MAP2: variants seen among roughly 807,000 people sequenced by gnomAD.
The protein encoded by MAP2 is microtubule associated protein 2.
MAP2 carries 14 observed loss-of-function variants against 137.6 expected under a neutral mutation model. The observed-to-expected ratio is 0.10, with a 90% confidence interval of 0.07 to 0.16. The LOEUF is 0.16. Ranked by LOEUF, MAP2 falls within the 10% of genes least tolerant of loss-of-function variation. The pLI, the probability that MAP2 is intolerant of heterozygous loss-of-function variation, is 1.00. For synonymous variants in MAP2, 786 were observed against 782.3 expected (o/e 1.00, Z -0.08); for missense variants, 2,088 against 2,191.5 (o/e 0.95, Z 0.94).
chr2:209,726,965 G>T (rs192886561), intron 14 of MAP2, among the ~76,000 whole-genome samples: 2 of 152,226 alleles, frequency 1.3e-5, no homozygotes, highest in Non-Finnish European at 2.9e-5. Context: ...AATAACAATT[G>T]AGCTGTTAGC....
In MAP2 at chr2:209,692,799, A is replaced by T; in HGVS notation, c.629A>T (p.Lys210Ile). ...QPETTKTYPD[K>I]KDMQGTEEEK... ...GAGACAACTAAAACTTACCCTGATA[A>T]AAAGGACATGCAAGGCACGGAAGAA... The change falls in exon 8 of 16, where the codon AAA (lysine) becomes ATA (isoleucine). Residue 210 changes from lysine to isoleucine, a missense_variant. Coordinates refer to ENST00000682079, the MANE Select transcript of MAP2 (RefSeq NM_001375505.1). 1.9e-6 allele frequency: 3 copies of T among 1,613,814 alleles called. No individual in the cohort carries two copies. Among genetic ancestry groups the T allele is most frequent in the Non-Finnish European group, 2.5e-6 (3 of 1,179,900 alleles).
chr2:209,704,714 A>G (rs2062856974), intron 11 of MAP2: 4 of 1,200,540 alleles, frequency 3.3e-6, no homozygotes, highest in Non-Finnish European at 4.5e-6. Flanking sequence ...ATGAAAGCAA[A>G]TACTTTACTC....
chr2:209,675,032 C>T (rs1217502074), intron 5 of MAP2, among the ~76,000 whole-genome samples: 2 of 151,840 alleles, frequency 1.3e-5, no homozygotes, highest in Non-Finnish European at 2.9e-5. Context: ...CAATCTTAGG[C>T]TCCTGTTTCC....
intron 12 of MAP2, 37 bp downstream of exon 12, chr2:209,705,764 T>C (rs748898672): frequency 1.3e-6 from 2 of 1,580,974 alleles, no homozygotes; most frequent in Non-Finnish European, 1.7e-6. Flanking sequence ...TTTTAAGCAC[T>C]TTTTAAATCC....
chr2:209,677,214 G>GT (rs1467534289), intron 5 of MAP2, among the ~76,000 whole-genome samples: 1 of 151,800 alleles, frequency 6.6e-6, no homozygotes, highest in Non-Finnish European at 1.5e-5. Flanking sequence ...TTTAACTGCT[G>GT]TAACTGTGAA....
intron 2 of MAP2, among the ~76,000 whole-genome samples, chr2:209,536,640 G>A (rs2065990221): frequency 6.6e-6 from 1 of 152,170 alleles, no homozygotes; most frequent in African/African-American, 2.4e-5. Flanking sequence ...TGTCTTGGGT[G>A]ATGGTGAGAC....
rs369097508 is a variant in MAP2 at position 209,437,362 on chromosome 2, T to C, written c.-222+13086T>C. 8.6e-5 allele frequency among the ~76,000 whole-genome samples: 13 copies of C among 151,832 alleles called. No homozygotes were observed. The East Asian group carries it at 2.1e-3, about 25-fold the overall frequency. ...AATATTCTGAGAATTAGAATTTAGA[T>C]ATGTAAGCACTATTCTGTCTCTCTC... On this transcript the variant is annotated intron_variant, in intron 1 of 15. Transcript: ENST00000682079.
At position 209,693,491 on chromosome 2, in the gene MAP2, G is replaced by C. The variant is rs2059462140; in HGVS notation, c.1321G>C (p.Glu441Gln). 1 of 1,612,984 alleles carries C rather than the reference G, an allele frequency of 6.2e-7. No individual in the cohort carries two copies. Among genetic ancestry groups the C allele is most frequent in the Non-Finnish European group, 8.5e-7 (1 of 1,179,812 alleles). ...ACCTATACTTACTGAAAAGGAAACT[G>C]AGCTGAAGCTTGAAGAAAAAACCAC... ...QEPILTEKET[E>Q]LKLEEKTTIS... Residue 441 changes from glutamate to glutamine, a missense_variant, in exon 8 of 16, where the codon GAG becomes CAG. Physicochemically the swap from Glu to Gln is conservative, Grantham distance 29 (BLOSUM62 2). Transcript: ENST00000682079.
chr2:209,541,189 C>A (rs1448094199), intron 2 of MAP2, among the ~76,000 whole-genome samples: 1 of 150,992 alleles, frequency 6.6e-6, no homozygotes, highest in Non-Finnish European at 1.5e-5. Flanking sequence ...TGCCATCATG[C>A]CTGACTAATT....
At chr2:209,581,569 G>C (rs891392219) in intron 3 of MAP2, among the ~76,000 whole-genome samples, 1 of 152,106 alleles carries the variant, frequency 6.6e-6, no homozygotes, top group Non-Finnish European at 1.5e-5. Flanking sequence ...CTCAAAGTAA[G>C]TGAAAATATT....
intron 5 of MAP2, 130 bp downstream of exon 5, chr2:209,653,562 G>A: frequency 1.1e-6 from 1 of 915,674 alleles, no homozygotes; most frequent in Non-Finnish European, 1.5e-6. Context: ...GTCAGTCAGA[G>A]GAAATAAAAG....
At chr2:209,588,808 C>T in intron 3 of MAP2, among the ~76,000 whole-genome samples, 1 of 151,876 alleles carries the variant, frequency 6.6e-6, no homozygotes, top group East Asian at 1.9e-4. Flanking sequence ...CCTAAGTAGA[C>T]TGCCTATACT....
chr2:209,693,239 A>AGTG lies in MAP2; in HGVS notation c.1071_1073dup (p.Gly358dup), dbSNP rs2059403064. 1 of 1,613,926 alleles carries AGTG rather than the reference A, an allele frequency of 6.2e-7. No individual in the cohort carries two copies. Among genetic ancestry groups the AGTG allele is most frequent in the Non-Finnish European group, 8.5e-7 (1 of 1,180,000 alleles). On this transcript the variant is annotated inframe_insertion, in exon 8 of 16. Coordinates refer to ENST00000682079, the MANE Select transcript of MAP2 (RefSeq NM_001375505.1). ...TGACAAAAAATCTCTGCAACAAACC[A>AGTG]GTGGCCCAGCTACTGCCAAAGATAG... is the stretch of plus-strand genomic sequence containing the variant.
intron 3 of MAP2, among the ~76,000 whole-genome samples, chr2:209,584,660 G>C (rs183971277): frequency 6.6e-6 from 1 of 152,210 alleles, no homozygotes; most frequent in African/African-American, 2.4e-5. Flanking sequence ...CTGTGTGTGA[G>C]AGCATGTTGA....
chr2:209,513,934 G>A (rs566319484), intron 2 of MAP2, among the ~76,000 whole-genome samples: 4 of 152,052 alleles, frequency 2.6e-5, no homozygotes, highest in South Asian at 4.2e-4. Context: ...CCAAAATCTA[G>A]GAAATGATTA....
intron 2 of MAP2, among the ~76,000 whole-genome samples, chr2:209,514,672 T>C (rs1377268684): frequency 6.6e-6 from 1 of 152,142 alleles, no homozygotes; most frequent in East Asian, 1.9e-4. Flanking sequence ...TGAATTTCTT[T>C]ATTATGTAAG....
chr2:209,704,173 A>T, intron 11 of MAP2: 1 of 398,946 alleles, frequency 2.5e-6, no homozygotes, highest in Non-Finnish European at 4.8e-6. Context: ...GTCCGTGTGT[A>T]CCCATTGTTT....
rs1286302141 is a variant in MAP2 at position 209,676,523 on chromosome 2, A to G, written c.263-2049A>G. Among the ~76,000 whole-genome samples the G allele has an allele frequency of 7.3e-5, 11 of 151,470 alleles. No individual in the cohort carries two copies. In the East Asian group the frequency reaches 2.1e-3, roughly 29 times the overall value. ...ATCTCTGTAACAAAGCTGCACATGT[A>G]CCCCTGAACTTAAAAGTTAGAATTG... On this transcript the variant is annotated intron_variant, in intron 5 of 15. Transcript: ENST00000682079.
intron 4 of MAP2, among the ~76,000 whole-genome samples, chr2:209,650,571 A>T (rs1389509725): frequency 6.6e-6 from 1 of 152,208 alleles, no homozygotes; most frequent in Non-Finnish European, 1.5e-5. Context: ...AGGAGACATG[A>T]GGACTAAATA....
Sources: gnomAD v4.1 joint callset for allele counts (sites outside exome capture counted in the v4.1 genomes callset) on GRCh38, gnomAD v4.1.1 for gene constraint, MANE v1.5 for transcripts, NCBI Gene and HGNC (gene_info 2026-07-23, HGNC 2026-07-21) for gene names.